The following ZNF558 variants were observed in gnomAD, a reference collection of about 807,000 sequenced individuals.
ZNF558 encodes zinc finger protein 558.
ZNF558 carries 23 observed loss-of-function variants against 37.6 expected under a neutral mutation model. The observed-to-expected ratio is 0.61, with a 90% CI of 0.44 to 0.87. ZNF558 has a LOEUF of 0.87. Ranked by LOEUF, ZNF558 falls within the 40% of genes least tolerant of loss-of-function variation. The pLI, the probability that ZNF558 is intolerant of heterozygous loss-of-function variation, is 0.00. For synonymous variants in ZNF558, 189 were observed against 174.4 expected (o/e 1.08, Z -0.66); for missense variants, 429 against 483.7 (o/e 0.89, Z 1.06).
At position 8,811,278 on chromosome 19, in the gene ZNF558, A is replaced by G. The variant is rs2043780919; in HGVS notation, c.*3T>C. ...GCTTTCCTCCAGAAGTTCCTGCAGT[A>G]ATTCATATCCATCTATTATGTATTC... On this transcript the variant is annotated 3_prime_UTR_variant, in exon 10 of 10. Transcript: ENST00000601372. 1.9e-6 allele frequency: 3 copies of G among 1,547,370 alleles called. No individual in the cohort carries two copies. The highest frequency in any genetic ancestry group is 1.7e-6 in the Non-Finnish European group (2 of 1,149,824).
intron 7 of ZNF558, among the ~76,000 whole-genome samples, chr19:8,819,066 TG>T (rs1278138851): frequency 6.6e-6 from 1 of 152,228 alleles, no homozygotes; most frequent in Non-Finnish European, 1.5e-5. Flanking sequence ...AGAAAATTCT[TG>T]GAAGAAAACA....
chr19:8,831,464 G>A (rs2044353021), intron 1 of ZNF558, 63 bp from the exon 2 acceptor site: 1 of 151,722 alleles, frequency 6.6e-6, no homozygotes, highest in African/African-American at 2.4e-5. Context: ...TACAGTTGTT[G>A]GATACGGCTG....
At chr19:8,830,949 C>T (rs755476882) in intron 2 of ZNF558, 1 of 151,698 alleles carries the variant, frequency 6.6e-6, no homozygotes, top group Non-Finnish European at 1.5e-5. Flanking sequence ...GCTAAGTAGT[C>T]CTGCTAGTTG....
Position 8,809,102 on chromosome 19 carries a change from A to G in ZNF558, c.*2179T>C, listed in dbSNP as rs1191214967. The stretch of plus-strand genomic sequence containing the variant: ...CCTAGGGGTTTCTTTTAGTCACATA[A>G]GAAGTATAAGAATAAGGAGTCCAGA... On this transcript the variant is annotated 3_prime_UTR_variant, in exon 10 of 10. Transcript: ENST00000601372. 1.3e-5 allele frequency: 2 copies of G among 152,320 alleles called. No individual in the cohort carries two copies. Among genetic ancestry groups the G allele is most frequent in the South Asian group, 2.1e-4 (1 of 4,826 alleles). 9.4% of individuals were successfully genotyped at this position (152,320 alleles called of 1,614,324 possible).
chr19:8,833,193 C>T (rs2044404961), upstream of ZNF558: 1 of 152,134 alleles, frequency 6.6e-6, no homozygotes, highest in Non-Finnish European at 1.5e-5. Context: ...TTCCTTGGAT[C>T]CCTAGATTGT....
chr19:8,819,521 A>C (rs2044028281), intron 7 of ZNF558, among the ~76,000 whole-genome samples: 1 of 152,208 alleles, frequency 6.6e-6, no homozygotes, highest in African/African-American at 2.4e-5. Context: ...CTATCAAGAA[A>C]ATGAAAAGAC....
chr19:8,826,768 G>A (rs970251301), intron 2 of ZNF558, among the ~76,000 whole-genome samples: 10 of 152,184 alleles, frequency 6.6e-5, no homozygotes, highest in African/African-American at 1.9e-4. Flanking sequence ...AAGGCAAGAG[G>A]ATAAATGTGT....
intron 7 of ZNF558, among the ~76,000 whole-genome samples, chr19:8,814,421 C>T (rs1434363324): frequency 6.6e-6 from 1 of 152,158 alleles, no homozygotes; most frequent in East Asian, 1.9e-4. Context: ...TTAGTCAGTA[C>T]TGCTTGAGGC....
chr19:8,822,204 GC>G lies in ZNF558; in HGVS notation c.32-114del. ...CCACACGGATGAGGCACCACACAGT[GC>G]CCACCTACGCTCCATGCAAACACCT... is the stretch of plus-strand genomic sequence containing the variant. On this transcript the variant is annotated intron_variant, in intron 5 of 9. Transcript: ENST00000601372. The surrounding 1 kb of genome is among the most constrained non-coding windows in gnomAD (Gnocchi z 4.4). 7.9e-7 allele frequency: 1 copy of G among 1,263,626 alleles called. No homozygotes were observed. The highest frequency in any genetic ancestry group is 1.1e-6 in the Non-Finnish European group (1 of 896,818). 78.3% of individuals were successfully genotyped at this position (1,263,626 alleles called of 1,614,324 possible).
At chr19:8,814,700 G>A (rs1386317331) in intron 7 of ZNF558, among the ~76,000 whole-genome samples, 1 of 152,120 alleles carries the variant, frequency 6.6e-6, no homozygotes, top group Non-Finnish European at 1.5e-5. Context: ...TTAAAGGCAT[G>A]TCCCTATGTA....
chr19:8,815,094 A>G (rs1485935486), intron 7 of ZNF558, among the ~76,000 whole-genome samples: 1 of 152,206 alleles, frequency 6.6e-6, no homozygotes, highest in Non-Finnish European at 1.5e-5. Context: ...GAGGCAAGGA[A>G]ACAAACGTTG....
At position 8,822,295 on chromosome 19, in the gene ZNF558, A is replaced by G. The variant is rs1568470984; in HGVS notation, c.32-204T>C. Among the ~76,000 whole-genome samples, 1 of 152,174 alleles carries G rather than the reference A, an allele frequency of 6.6e-6. No individual in the cohort carries two copies. Among genetic ancestry groups the G allele is most frequent in the Non-Finnish European group, 1.5e-5 (1 of 68,038 alleles). ...TCACCAACCAAAGACAATAGGGCTC[A>G]AGGTCTGACTGCACTTGGGGAAGGG... On this transcript the variant is annotated intron_variant, in intron 5 of 9. Coordinates refer to ENST00000601372, the MANE Select transcript of ZNF558 (RefSeq NM_144693.3). The surrounding 1 kb of genome is among the most constrained non-coding windows in gnomAD (Gnocchi z 4.4).
chr19:8,826,824 T>C (rs1161682221), intron 2 of ZNF558, among the ~76,000 whole-genome samples: 3 of 152,198 alleles, frequency 2.0e-5, no homozygotes, highest in African/African-American at 4.8e-5. Context: ...ATAGCATCAA[T>C]AGGAAACTAA....
chr19:8,819,500 A>C (rs1288710311), intron 7 of ZNF558, among the ~76,000 whole-genome samples: 1 of 152,172 alleles, frequency 6.6e-6, no homozygotes, highest in African/African-American at 2.4e-5. Flanking sequence ...ACTTTTGTGC[A>C]TCAAAGGACA....
upstream of ZNF558, among the ~76,000 whole-genome samples, chr19:8,836,766 T>C (rs2044460480): frequency 6.6e-6 from 1 of 152,186 alleles, no homozygotes; most frequent in Admixed American, 6.6e-5. Context: ...TGCTGGGATT[T>C]TAGGCATGAC....
At chr19:8,836,291 GAAGAA>G (rs1417804197), upstream of ZNF558, among the ~76,000 whole-genome samples, 2 of 151,916 alleles carry the variant, frequency 1.3e-5, no homozygotes, top group South Asian at 2.1e-4. Context: ...CAAAATAATA[GAAGAA>G]AAGTGGAAAA....
intron 1 of ZNF558, among the ~76,000 whole-genome samples, chr19:8,831,659 T>G (rs1212297541): frequency 6.6e-6 from 1 of 152,218 alleles, no homozygotes; most frequent in African/African-American, 2.4e-5. Flanking sequence ...TGGAGAGAGA[T>G]TCTATGGTGA....
chr19:8,828,217 C>T (rs563619218), intron 2 of ZNF558, among the ~76,000 whole-genome samples: 1 of 152,184 alleles, frequency 6.6e-6, no homozygotes. Context: ...TAACCTAAAA[C>T]AACAGCCAAA....
chr19:8,830,965 G>A (rs2090219717), intron 2 of ZNF558: 1 of 151,720 alleles, frequency 6.6e-6, no homozygotes, highest in African/African-American at 2.4e-5. Context: ...AGTTGTTAGT[G>A]GGAAGACTTG....
Sources: allele counts gnomAD v4.1 joint callset (sites outside exome capture counted in the v4.1 genomes callset), GRCh38; gene constraint gnomAD v4.1.1; non-coding constraint Gnocchi (gnomAD v3.1); transcripts MANE v1.5; gene names NCBI Gene and HGNC (gene_info 2026-07-23, HGNC 2026-07-21).